GLIS1: variants seen among roughly 807,000 people sequenced by gnomAD.
The protein encoded by GLIS1 is zinc finger protein GLIS1.
Under a neutral mutation model 63.8 loss-of-function variants are expected in GLIS1, and 24 were observed. The observed-to-expected ratio is 0.38, with a 90% CI of 0.27 to 0.53. The LOEUF is 0.53. Among genes scored for constraint, GLIS1 ranks in the 20% least tolerant of loss-of-function variants. GLIS1 has a pLI of 0.85. For synonymous variants in GLIS1, 450 were observed against 482.5 expected, an observed-to-expected ratio of 0.93 and a Z score of 0.88; for missense variants, 1,036 against 1,074.1, an observed-to-expected ratio of 0.96 and a Z score of 0.50.
At chr1:53,655,882 C>T (rs1285591156) in intron 2 of GLIS1, among the ~76,000 whole-genome samples, 1 of 152,168 alleles carries the variant, frequency 6.6e-6, no homozygotes, top group African/African-American at 2.4e-5. Flanking sequence ...CAACAAGCAC[C>T]AAGGTAGGGA....
intron 4 of GLIS1, among the ~76,000 whole-genome samples, chr1:53,588,752 T>C (rs1473710146): frequency 6.6e-6 from 1 of 152,206 alleles, no homozygotes; most frequent in Admixed American, 6.5e-5. Context: ...ACTGTTCTTC[T>C]GAAGGAAGAG....
intron 2 of GLIS1, among the ~76,000 whole-genome samples, chr1:53,672,400 C>T (rs1646162002): frequency 6.6e-6 from 1 of 152,234 alleles, no homozygotes; most frequent in African/African-American, 2.4e-5. Context: ...TCCGGGAATA[C>T]TTTCTTACCT....
intron 2 of GLIS1, among the ~76,000 whole-genome samples, chr1:53,682,259 T>C (rs1324287389): frequency 6.6e-6 from 1 of 152,194 alleles, no homozygotes; most frequent in African/African-American, 2.4e-5. Context: ...CCTTCAGCCA[T>C]CCAGCAAGCA....
At chr1:53,633,990 G>C (rs1011524454) in intron 2 of GLIS1, among the ~76,000 whole-genome samples, 2 of 152,202 alleles carry the variant, frequency 1.3e-5, no homozygotes, top group Non-Finnish European at 2.9e-5. Context: ...GATCCACTGT[G>C]AGTGCAGAGG....
intron 2 of GLIS1, among the ~76,000 whole-genome samples, chr1:53,709,057 T>G (rs1001424344): frequency 6.6e-6 from 1 of 152,148 alleles, no homozygotes; most frequent in African/African-American, 2.4e-5. Context: ...ATCTATCTTG[T>G]TCACCACAGT....
At chr1:53,563,195 T>G (rs1465576645) in intron 4 of GLIS1, among the ~76,000 whole-genome samples, 1 of 152,244 alleles carries the variant, frequency 6.6e-6, no homozygotes, top group Non-Finnish European at 1.5e-5. Context: ...TGTGGTCTCA[T>G]GCTCAAAGGT....
chr1:53,732,796 C>A (rs376317094), intron 2 of GLIS1, among the ~76,000 whole-genome samples: 7,690 of 82,532 alleles, frequency 0.093, 283 homozygotes, highest in Non-Finnish European at 0.14. Context: ...CAACGGAAAT[C>A]TATATTAAAA....
chr1:53,524,146 C>T (rs1408187201), intron 6 of GLIS1, among the ~76,000 whole-genome samples: 1 of 152,208 alleles, frequency 6.6e-6, no homozygotes, highest in Non-Finnish European at 1.5e-5. Flanking sequence ...TTTTTTGTCC[C>T]CTCTGATGGC....
chr1:53,524,462 C>T (rs1381080993), intron 6 of GLIS1, among the ~76,000 whole-genome samples: 2 of 152,226 alleles, frequency 1.3e-5, no homozygotes, highest in African/African-American at 2.4e-5. Context: ...CTTCCGTGCC[C>T]AGCACAAGGC....
intron 7 of GLIS1, among the ~76,000 whole-genome samples, chr1:53,516,052 T>G (rs495172): frequency 0.88 from 134,338 of 152,172 alleles, 59,332 homozygotes; most frequent in East Asian, 0.98. Flanking sequence ...GGAGGACTCT[T>G]TGTGACCTGG....
At chr1:53,587,595 T>C (rs1645148420) in intron 4 of GLIS1, among the ~76,000 whole-genome samples, 1 of 152,198 alleles carries the variant, frequency 6.6e-6, no homozygotes, top group Non-Finnish European at 1.5e-5. Context: ...ATGTTTTACT[T>C]TTCAACCCAT....
chr1:53,643,776 C>T (rs1001074776), intron 2 of GLIS1, among the ~76,000 whole-genome samples: 1 of 152,182 alleles, frequency 6.6e-6, no homozygotes, highest in East Asian at 1.9e-4. Flanking sequence ...GCAGCACCCC[C>T]GGGGTCTCCT....
intron 2 of GLIS1, among the ~76,000 whole-genome samples, chr1:53,694,904 C>T (rs1461736864): frequency 6.6e-6 from 1 of 152,118 alleles, no homozygotes; most frequent in Non-Finnish European, 1.5e-5. Context: ...CTGCAAACAG[C>T]CACTGCACTC....
intron 2 of GLIS1, among the ~76,000 whole-genome samples, chr1:53,610,812 T>A (rs1645417513): frequency 6.6e-6 from 1 of 152,188 alleles, no homozygotes; most frequent in Admixed American, 6.5e-5. Flanking sequence ...GTATGTTAGG[T>A]CCTTTCACCA....
chr1:53,647,345 A>G (rs561555421), intron 2 of GLIS1, among the ~76,000 whole-genome samples: 38 of 152,260 alleles, frequency 2.5e-4, no homozygotes, highest in Non-Finnish European at 4.7e-4. Context: ...ACTGGCACAA[A>G]GATAAACAAA....
chr1:53,695,024 T>C (rs1261102115), intron 2 of GLIS1, among the ~76,000 whole-genome samples: 1 of 151,486 alleles, frequency 6.6e-6, no homozygotes, highest in Non-Finnish European at 1.5e-5. Context: ...AAGTGGTTCC[T>C]AATAAGTCAG....
rs112103222 is a variant in GLIS1, at chr1:53,539,552, C to A, written c.1321-9600G>T. 6.6e-6 allele frequency among the ~76,000 whole-genome samples: 1 copy of A among 150,452 alleles called. No homozygotes were observed. Among genetic ancestry groups the A allele is most frequent in the African/African-American group, 2.4e-5 (1 of 40,888 alleles). On this transcript the variant is annotated intron_variant, in intron 4 of 10. Transcript: ENST00000628545. The surrounding 1 kb of genome is among the most constrained non-coding windows in gnomAD (Gnocchi z 5.0). ...CACATACCACACGGTATACACCCCC[C>A]CACACACACTACACATCATACACAT...
rs984258247 is a variant in GLIS1 at position 53,639,077 on chromosome 1, T to C, written c.260-38799A>G. On this transcript the variant is annotated intron_variant, in intron 2 of 10. Coordinates refer to ENST00000628545, the MANE Select transcript of GLIS1 (RefSeq NM_001367484.1). This position sits in a 1 kb window ranked among gnomAD's most constrained non-coding sequence, Gnocchi z 4.6. Reference sequence around the variant, plus strand: ...AAGGATTGAAACTAGGATCTGCCACTGGTTAACTGTGTGACTTTGAGCCAG... The same window carrying C: ...AAGGATTGAAACTAGGATCTGCCACCGGTTAACTGTGTGACTTTGAGCCAG... 2.0e-5 allele frequency among the ~76,000 whole-genome samples: 3 copies of C among 152,174 alleles called. No homozygotes were observed. Among genetic ancestry groups the C allele is most frequent in the African/African-American group, 7.2e-5 (3 of 41,428 alleles).
rs558046793 is a variant in GLIS1 at position 53,550,943 on chromosome 1, C to T, written c.1321-20991G>A. ...TCGGCTCACTGCAACCTCTGCCTCC[C>T]GGGTTCAAGTGATTCTCCTGCCTCA... On this transcript the variant is annotated intron_variant, in intron 4 of 10. Transcript: ENST00000628545. 1.4e-3 allele frequency among the ~76,000 whole-genome samples: 213 copies of T among 152,220 alleles called. 4 individuals are homozygous for T. The highest frequency in any genetic ancestry group is 0.01 in the Middle Eastern group (3 of 294).
Sources: allele counts gnomAD v4.1 joint callset (sites outside exome capture counted in the v4.1 genomes callset), GRCh38; gene constraint gnomAD v4.1.1; non-coding constraint Gnocchi (gnomAD v3.1); transcripts MANE v1.5; gene names NCBI Gene and HGNC (gene_info 2026-07-23, HGNC 2026-07-21).